Variants in DNAH5 observed in about 807,000 individuals in gnomAD.
DNAH5 encodes the protein dynein axonemal heavy chain 5.
In DNAH5, 372 loss-of-function variants were observed where a neutral mutation model predicts 518.2. The observed-to-expected ratio is 0.72, with a 90% CI of 0.66 to 0.78. DNAH5 has a LOEUF of 0.78. Among genes scored for constraint, DNAH5 ranks in the 30% least tolerant of loss-of-function variants. The pLI is 0.00. For missense variants in DNAH5, 5,523 were observed against 5,687.0 expected, an observed-to-expected ratio of 0.97 and a Z score of 0.93; for synonymous variants, 2,039 against 2,025.9, an observed-to-expected ratio of 1.01 and a Z score of -0.17.
At chr5:13,948,629 A>G (rs926601470), upstream of DNAH5, among the ~76,000 whole-genome samples, 1 of 152,194 alleles carries the variant, frequency 6.6e-6, no homozygotes, top group Non-Finnish European at 1.5e-5. Context: ...CTGCAATTTT[A>G]AGTAAAAATG....
At chr5:13,927,850 TAA>T (rs1339309964) in intron 3 of DNAH5, among the ~76,000 whole-genome samples, 3 of 152,166 alleles carry the variant, frequency 2.0e-5, no homozygotes, top group African/African-American at 7.2e-5. Flanking sequence ...ACAACTCCAA[TAA>T]AGTTAGAACA....
At chr5:13,935,088 T>C (rs1052168775) in intron 1 of DNAH5, among the ~76,000 whole-genome samples, 2 of 152,116 alleles carry the variant, frequency 1.3e-5, no homozygotes, top group African/African-American at 2.4e-5. Context: ...CACAAAGAGA[T>C]GGCAAATGCT....
At chr5:13,917,322 T>C in intron 7 of DNAH5, 66 bp from the exon 8 acceptor site, 5 of 1,180,834 alleles carry the variant, frequency 4.2e-6, no homozygotes, top group African/African-American at 1.5e-5. Context: ...ACACAACCAC[T>C]GCTAAGAGTC....
At chr5:13,815,617 C>T (rs975050895) in intron 42 of DNAH5, among the ~76,000 whole-genome samples, 11 of 152,136 alleles carry the variant, frequency 7.2e-5, no homozygotes, top group African/African-American at 2.7e-4. Context: ...ATAAGCCACC[C>T]AGTCTCTAGC....
At chr5:13,749,409 A>G (rs1749892071) in intron 65 of DNAH5, among the ~76,000 whole-genome samples, 1 of 152,180 alleles carries the variant, frequency 6.6e-6, no homozygotes, top group East Asian at 1.9e-4. Context: ...CTGCATCCAT[A>G]CTGGCTTTTC....
In DNAH5 at chr5:13,864,668, T is replaced by G. The variant is rs765492832; in HGVS notation, c.4356-31A>C. On this transcript the variant is annotated intron_variant, in intron 27 of 78. Coordinates refer to ENST00000265104, the MANE Select transcript of DNAH5 (RefSeq NM_001369.3). The stretch of plus-strand genomic sequence containing the variant: ...AAGGGACACCAACATGAAAGGCCAT[T>G]GAAATATGATGGTAGACATCACTGG... The G allele has an allele frequency of 1.9e-6, 3 of 1,613,626 alleles. No homozygotes were observed. The South Asian group carries it at 3.3e-5, about 18-fold the overall frequency.
intron 44 of DNAH5, chr5:13,810,580 A>AAT (rs1760502002): frequency 5.9e-6 from 1 of 170,522 alleles, no homozygotes; most frequent in Non-Finnish European, 1.1e-5. Flanking sequence ...CTCTACTAAA[A>AAT]ATACAAAAAA....
At chr5:13,869,720 AT>A (rs1359338403) in intron 24 of DNAH5, among the ~76,000 whole-genome samples, 1 of 152,104 alleles carries the variant, frequency 6.6e-6, no homozygotes, top group Non-Finnish European at 1.5e-5. Flanking sequence ...TGACAATATT[AT>A]GGTAATTCTG....
intron 47 of DNAH5, among the ~76,000 whole-genome samples, chr5:13,805,799 T>C (rs1759490209): frequency 6.6e-6 from 1 of 152,186 alleles, no homozygotes; most frequent in East Asian, 1.9e-4. Context: ...TCTAGTGAAT[T>C]ATGGAAACTG....
At chr5:13,829,819 T>C in intron 37 of DNAH5, 115 bp from the exon 38 acceptor site, 1 of 1,188,790 alleles carries the variant, frequency 8.4e-7, no homozygotes, top group Admixed American at 1.9e-5. Context: ...AGGGAACTCA[T>C]TTACGTATCT....
rs148032042 is a variant in DNAH5 at position 13,963,578 on chromosome 5, A to AAAATAAATAAAT, written c.13-32346_13-32335dup. 1.0e-3 allele frequency among the ~76,000 whole-genome samples: 156 copies of AAAATAAATAAAT among 150,566 alleles called. 1 individual carries two copies. The South Asian group carries it at 0.015, about 14-fold the overall frequency. On this transcript the variant is annotated intron_variant, in intron 1 of 78. Coordinates refer to the DNAH5 transcript ENST00000681290. ...GGGCAACAAAGCGAGACTCTATCTCAAAATAAATAAATAAATAAATAAATA... is the reference window on the plus strand; with the variant it reads ...GGGCAACAAAGCGAGACTCTATCTCAAAATAAATAAATAAATAAATAAATAAATAAATAAATA...
chr5:13,852,435 G>C (rs1482761602), intron 30 of DNAH5, among the ~76,000 whole-genome samples: 1 of 152,066 alleles, frequency 6.6e-6, no homozygotes, highest in Admixed American at 6.5e-5. Context: ...CCAAATTGCT[G>C]GGATTACAGG....
At chr5:13,996,664 C>T (rs886789433) in intron 1 of DNAH5, among the ~76,000 whole-genome samples, 1 of 152,378 alleles carries the variant, frequency 6.6e-6, no homozygotes, top group Non-Finnish European at 1.5e-5. Flanking sequence ...CATCTCCCAC[C>T]TTCTGGTCAC....
rs373199315 is a variant in DNAH5 at position 13,974,138 on chromosome 5, C to CTT, written c.12+37508_12+37509dup. Among the ~76,000 whole-genome samples the CTT allele has an allele frequency of 1.9e-4, 26 of 139,938 alleles. 1 individual carries two copies. The highest frequency in any genetic ancestry group is 4.6e-4 in the South Asian group (2 of 4,336). The allele number at this position is 139,938 out of a possible 152,430, so 91.8% of individuals were successfully genotyped here. ...TTTATTTTAATTAGTTTTTTCTTTT[C>CTT]TTTTCTTTTTTTTTTTAGACAGGGC... On this transcript the variant is annotated intron_variant, in intron 1 of 78. Coordinates refer to the DNAH5 transcript ENST00000681290.
chr5:13,881,444 C>T (rs746014228), intron 21 of DNAH5, among the ~76,000 whole-genome samples: 6 of 151,808 alleles, frequency 4.0e-5, no homozygotes, highest in Admixed American at 2.0e-4. Flanking sequence ...CAAATTTGAT[C>T]TTATAACAAA....
chr5:13,763,177 T>G (rs1314883197), intron 59 of DNAH5, among the ~76,000 whole-genome samples: 1 of 152,142 alleles, frequency 6.6e-6, no homozygotes, highest in African/African-American at 2.4e-5. Flanking sequence ...AGTAAATTAT[T>G]TAGGTGATGA....
chr5:14,000,713 C>G (rs1404145651), intron 1 of DNAH5, among the ~76,000 whole-genome samples: 1 of 152,030 alleles, frequency 6.6e-6, no homozygotes, highest in African/African-American at 2.4e-5. Context: ...ATTAGGCCAG[C>G]CACTGTGGAA....
intron 49 of DNAH5, among the ~76,000 whole-genome samples, chr5:13,793,158 C>T (rs891437321): frequency 7.2e-5 from 11 of 152,218 alleles, no homozygotes; most frequent in South Asian, 2.1e-4. Context: ...CATAAACTTT[C>T]GACATGGAAC....
At chr5:13,695,265 C>G (rs1241473605) in intron 78 of DNAH5, among the ~76,000 whole-genome samples, 1 of 152,182 alleles carries the variant, frequency 6.6e-6, no homozygotes, top group African/African-American at 2.4e-5. Flanking sequence ...GCTCACAGTC[C>G]TCTACCGGTG....
Sources: gnomAD v4.1 joint callset for allele counts (sites outside exome capture counted in the v4.1 genomes callset) on GRCh38, gnomAD v4.1.1 for gene constraint, MANE v1.5 for transcripts, NCBI Gene and HGNC (gene_info 2026-07-23, HGNC 2026-07-21) for gene names.